CCDC102B: variants seen among roughly 807,000 people sequenced by gnomAD.
CCDC102B encodes coiled-coil domain containing 102B.
In CCDC102B, 75 loss-of-function variants were observed where a neutral mutation model predicts 57.4. The observed-to-expected ratio is 1.31, with a 90% confidence interval of 1.08 to 1.58. The LOEUF is 1.58. Among genes scored for constraint, CCDC102B ranks in the 40% most tolerant of loss-of-function variants. The pLI, the probability that CCDC102B is intolerant of heterozygous loss-of-function variation, is 0.00. For missense variants in CCDC102B, 636 were observed against 582.6 expected (o/e 1.09, Z -0.94); for synonymous variants, 206 against 201.9 (o/e 1.02, Z -0.17).
intron 2 of CCDC102B, among the ~76,000 whole-genome samples, chr18:68,727,493 C>A (rs1381860881): frequency 1.3e-5 from 2 of 152,168 alleles, no homozygotes; most frequent in Non-Finnish European, 2.9e-5. Flanking sequence ...AGAAATTCCG[C>A]CATAACGTGG....
At chr18:68,858,685 T>C (rs1410632223) in intron 4 of CCDC102B, among the ~76,000 whole-genome samples, 1 of 152,140 alleles carries the variant, frequency 6.6e-6, no homozygotes, top group Non-Finnish European at 1.5e-5. Flanking sequence ...TTATTCTCTG[T>C]GATTTGGCCA....
At chr18:68,943,508 GA>G (rs1376239208) in intron 6 of CCDC102B, among the ~76,000 whole-genome samples, 4 of 151,942 alleles carry the variant, frequency 2.6e-5, no homozygotes, top group Non-Finnish European at 4.4e-5. Context: ...AGTACTTTTG[GA>G]AAACGTTTGT....
intron 6 of CCDC102B, among the ~76,000 whole-genome samples, chr18:68,929,324 A>C (rs913500008): frequency 3.3e-5 from 5 of 151,884 alleles, no homozygotes; most frequent in Admixed American, 1.3e-4. Context: ...TTTTGATGAA[A>C]GGGATGGAGA....
At chr18:68,809,849 G>T (rs568435868) in intron 1 of CCDC102B, among the ~76,000 whole-genome samples, 1 of 152,262 alleles carries the variant, frequency 6.6e-6, no homozygotes, top group South Asian at 2.1e-4. Flanking sequence ...TTATATACAT[G>T]TGTGAATGTT....
intron 3 of CCDC102B, among the ~76,000 whole-genome samples, chr18:68,842,903 G>C (rs552749082): frequency 6.6e-6 from 1 of 152,284 alleles, no homozygotes; most frequent in African/African-American, 2.4e-5. Flanking sequence ...TACCAGGAGA[G>C]TGTAGAGGCA....
rs759973295 is a variant in CCDC102B, at chr18:68,897,350, T to C, written c.1185T>C (p.Asp395=). ...TGAAAGAAATGGAAGAGCTTTTGGA[T>C]AAGAAAAATAGATTAAGTGCAAACT... ...IQVKEMEELL[D]KKNRLSANSQ... The change falls in exon 6 of 8, where the codon GAT becomes GAC. Residue 395 remains aspartate (D), a synonymous_variant. Transcript: ENST00000360242. 1.2e-6 allele frequency: 2 copies of C among 1,612,962 alleles called. No individual in the cohort carries two copies. The highest frequency in any genetic ancestry group is 1.7e-6 in the Non-Finnish European group (2 of 1,179,264).
intron 6 of CCDC102B, among the ~76,000 whole-genome samples, chr18:69,000,782 A>C (rs1157097445): frequency 1.3e-5 from 2 of 152,216 alleles, no homozygotes; most frequent in African/African-American, 4.8e-5. Context: ...TGCAGCGTCA[A>C]ATTTGGAAAT....
intron 5 of CCDC102B, among the ~76,000 whole-genome samples, chr18:68,896,602 C>T (rs370018784): frequency 4.7e-4 from 72 of 151,740 alleles, no homozygotes; most frequent in African/African-American, 1.5e-3. Flanking sequence ...TGTCCCAATA[C>T]GATTTTATTT....
intron 2 of CCDC102B, chr18:68,753,301 C>T (rs2033931218): frequency 6.6e-6 from 1 of 152,000 alleles, no homozygotes. Flanking sequence ...ACCAGGTATT[C>T]TTTGGAATTT....
Position 68,927,819 on chromosome 18 carries a change from G to A in CCDC102B, c.1263+30391G>A, listed in dbSNP as rs143372393. Among the ~76,000 whole-genome samples the A allele has an allele frequency of 9.2e-5, 14 of 151,988 alleles. No individual in the cohort carries two copies. The East Asian group carries it at 2.5e-3, about 27-fold the overall frequency. ...AGAGAAAGGAGGGAGAGCTGCTTGTGTAACTAGGTATAAGTGGTGCTTTTT... is the reference window on the plus strand; with the variant it reads ...AGAGAAAGGAGGGAGAGCTGCTTGTATAACTAGGTATAAGTGGTGCTTTTT... On this transcript the variant is annotated intron_variant, in intron 6 of 7. Transcript: ENST00000360242.
chr18:68,762,266 G>A (rs1471945523), intron 2 of CCDC102B, among the ~76,000 whole-genome samples: 2 of 152,034 alleles, frequency 1.3e-5, no homozygotes, highest in Non-Finnish European at 2.9e-5. Flanking sequence ...TAACCACTTT[G>A]TCCTCTATTT....
chr18:68,815,181 G>C (rs1330399239), intron 1 of CCDC102B, among the ~76,000 whole-genome samples: 1 of 152,048 alleles, frequency 6.6e-6, no homozygotes, highest in African/African-American at 2.4e-5. Flanking sequence ...CAGTTCTAAA[G>C]TCTTACAAGT....
intron 7 of CCDC102B, among the ~76,000 whole-genome samples, chr18:69,039,809 A>G (rs1187149005): frequency 6.6e-6 from 1 of 151,648 alleles, no homozygotes; most frequent in Non-Finnish European, 1.5e-5. Flanking sequence ...GAGAATTCAC[A>G]TTTAGAGGAA....
At chr18:69,050,283 GT>G (rs780254964) in intron 7 of CCDC102B, among the ~76,000 whole-genome samples, 12 of 152,178 alleles carry the variant, frequency 7.9e-5, no homozygotes, top group Non-Finnish European at 1.6e-4. Context: ...TATCACCCTT[GT>G]TGAAAACTTC....
intron 1 of CCDC102B, among the ~76,000 whole-genome samples, chr18:68,817,616 T>G (rs896132892): frequency 6.6e-6 from 1 of 152,218 alleles, no homozygotes; most frequent in African/African-American, 2.4e-5. Flanking sequence ...ATCTTGTTGG[T>G]TATCTATTTA....
At chr18:68,931,100 G>A (rs1021493507) in intron 6 of CCDC102B, among the ~76,000 whole-genome samples, 1 of 151,104 alleles carries the variant, frequency 6.6e-6, no homozygotes, top group Non-Finnish European at 1.5e-5. Context: ...ACTTTGAGTA[G>A]ATAAACTTAC....
At chr18:68,737,176 G>A (rs188239121) in intron 2 of CCDC102B, among the ~76,000 whole-genome samples, 71 of 152,066 alleles carry the variant, frequency 4.7e-4, no homozygotes, top group South Asian at 6.2e-4. Context: ...TACCAGCAGG[G>A]GGTGGGCATG....
intron 2 of CCDC102B, among the ~76,000 whole-genome samples, chr18:68,727,317 C>T (rs1249644741): frequency 6.6e-6 from 1 of 152,086 alleles, no homozygotes; most frequent in Non-Finnish European, 1.5e-5. Context: ...TTACCTAGTA[C>T]CATTCTCTGG....
intron 7 of CCDC102B, among the ~76,000 whole-genome samples, chr18:69,029,766 C>T (rs750900897): frequency 2.1e-4 from 32 of 152,068 alleles, no homozygotes; most frequent in Non-Finnish European, 3.4e-4. Context: ...GTTCCAGGAA[C>T]ACAAATCACA....
Sources: gnomAD v4.1 joint callset for allele counts (sites outside exome capture counted in the v4.1 genomes callset) on GRCh38, gnomAD v4.1.1 for gene constraint, MANE v1.5 for transcripts, NCBI Gene and HGNC (gene_info 2026-07-23, HGNC 2026-07-21) for gene names.